Variants in DOCK9 observed in about 807,000 individuals in gnomAD.
The protein encoded by DOCK9 is dedicator of cytokinesis protein 9.
In DOCK9, 89 loss-of-function variants were observed where a neutral mutation model predicts 263.3. The ratio of observed to expected loss-of-function variants is 0.34; its 90% confidence interval spans 0.28 to 0.40. The LOEUF (loss-of-function observed/expected upper bound fraction) is 0.40, where lower values mean the gene tolerates loss of function less well. Among genes scored for constraint, DOCK9 ranks in the 10% least tolerant of loss-of-function variants. The probability of loss-of-function intolerance (pLI) is 1.00; values close to 1 mark genes in which losing one functional copy is unlikely to be tolerated. For missense variants in DOCK9, 2,140 were observed against 2,603.4 expected, an observed-to-expected ratio of 0.82 and a Z score of 3.87; for synonymous variants, 976 against 973.1, an observed-to-expected ratio of 1.00 and a Z score of -0.06.
At chr13:98,996,875 G>T (rs1881169979) in intron 1 of DOCK9, among the ~76,000 whole-genome samples, 1 of 152,168 alleles carries the variant, frequency 6.6e-6, no homozygotes, top group African/African-American at 2.4e-5. Context: ...TCTGCCAATG[G>T]TAAAGCAAAC....
Position 98,923,298 on chromosome 13 carries a change from C to G in DOCK9, c.486+4G>C. 6.2e-7 allele frequency: 1 copy of G among 1,612,590 alleles called. No individual in the cohort carries two copies. The highest frequency in any genetic ancestry group is 1.1e-5 in the South Asian group (1 of 90,988). ...AGAGAAGCAACAGCAAGCAGGTATC[C>G]CACCTCATCTTTGTCGACCTCCTCG... On this transcript the variant is annotated splice_donor_region_variant and intron_variant, in intron 5 of 52. Coordinates refer to ENST00000682017, the MANE Select transcript of DOCK9 (RefSeq NM_001366683.2).
At chr13:98,797,292 G>A in intron 51 of DOCK9, 39 bp from the exon 52 acceptor site, 1 of 1,613,078 alleles carries the variant, frequency 6.2e-7, no homozygotes, top group Non-Finnish European at 8.5e-7. Flanking sequence ...GGCACGCAGA[G>A]GATAAGGCAT....
At chr13:98,914,223 A>T (rs1472152265) in intron 9 of DOCK9, 105 bp downstream of exon 9, 12 of 952,384 alleles carry the variant, frequency 1.3e-5, no homozygotes, top group Admixed American at 1.0e-4. Context: ...GGTAATCACA[A>T]TGTAATTTTT....
Position 98,923,301 on chromosome 13 carries a change from C to T in DOCK9, c.486+1G>A. On this transcript the variant is annotated splice_donor_variant, in intron 5 of 52. Transcript: ENST00000682017. LOFTEE classifies it high-confidence loss of function. ...GAAGCAACAGCAAGCAGGTATCCCA[C>T]CTCATCTTTGTCGACCTCCTCGTCA... is the stretch of plus-strand genomic sequence containing the variant. 6.2e-7 allele frequency: 1 copy of T among 1,613,208 alleles called. No homozygotes were observed. The highest frequency in any genetic ancestry group is 8.5e-7 in the Non-Finnish European group (1 of 1,179,228).
Position 98,845,931 on chromosome 13 carries a change from A to G in DOCK9, c.4191T>C (p.Phe1397=), listed in dbSNP as rs934958904. The G allele has an allele frequency of 6.2e-7, 1 of 1,613,460 alleles. No homozygotes were observed. Among genetic ancestry groups the G allele is most frequent in the African/African-American group, 1.3e-5 (1 of 75,056 alleles). ...QLGSLDNSLT[F]NHSYGHSDAD... ...GCATGTCATGGGACTTACTGTGGTT[A>G]AAAGTGAGAGAGTTATCCAGGCTGC... The change falls in exon 38 of 53, where the codon TTT becomes TTC. Residue 1397 remains phenylalanine (F), a synonymous_variant. Transcript: ENST00000682017.
intron 38 of DOCK9, among the ~76,000 whole-genome samples, chr13:98,842,737 C>T (rs2093266151): frequency 6.6e-6 from 1 of 152,202 alleles, no homozygotes; most frequent in African/African-American, 2.4e-5. Flanking sequence ...TTATTTGACA[C>T]AAATCTCTTC....
chr13:99,058,112 C>T (rs931772366), intron 1 of DOCK9, among the ~76,000 whole-genome samples: 1 of 151,812 alleles, frequency 6.6e-6, no homozygotes, highest in Non-Finnish European at 1.5e-5. Flanking sequence ...TTCAAAAACA[C>T]CCAGGCCTGG....
chr13:99,032,048 C>G (rs531008073), intron 1 of DOCK9, among the ~76,000 whole-genome samples: 2 of 152,254 alleles, frequency 1.3e-5, no homozygotes, highest in East Asian at 3.9e-4. Context: ...TTCAAATTTC[C>G]TGGGGAGAAC....
At chr13:99,000,863 A>G (rs568125851) in intron 1 of DOCK9, among the ~76,000 whole-genome samples, 19 of 152,328 alleles carry the variant, frequency 1.2e-4, no homozygotes, top group Admixed American at 2.6e-4. Flanking sequence ...GGTCATTCAC[A>G]TGCAGAAACT....
chr13:99,073,596 A>C (rs2041786704), intron 1 of DOCK9, among the ~76,000 whole-genome samples: 1 of 152,018 alleles, frequency 6.6e-6, no homozygotes. Flanking sequence ...TTTTCCCTTT[A>C]AGGCTAGGGG....
chr13:98,828,022 C>T (rs566851023), intron 43 of DOCK9, among the ~76,000 whole-genome samples: 61 of 152,090 alleles, frequency 4.0e-4, no homozygotes, highest in Non-Finnish European at 8.2e-4. Context: ...CTAAATTCAA[C>T]ATTACTGGTG....
intron 5 of DOCK9, 28 bp from the exon 6 acceptor site, chr13:98,922,174 CA>C: frequency 6.5e-7 from 1 of 1,528,082 alleles, no homozygotes; most frequent in East Asian, 2.4e-5. Context: ...CACCAGCAGT[CA>C]ACCTCCCGTT....
intron 3 of DOCK9, among the ~76,000 whole-genome samples, chr13:98,927,894 C>T (rs1358485405): frequency 6.6e-6 from 1 of 151,760 alleles, no homozygotes; most frequent in African/African-American, 2.4e-5. Context: ...ACTGGGATTA[C>T]AGGCGTGAGC....
At position 98,868,286 on chromosome 13, in the gene DOCK9, C is replaced by T. The variant is rs777182354; in HGVS notation, c.3035G>A (p.Arg1012Gln). Reference protein sequence around the residue: ...MLMPHITQKFRDNPEASKNAN... With the variant: ...MLMPHITQKFQDNPEASKNAN... The stretch of plus-strand genomic sequence containing the variant: ...GTTCTTAGATGCCTCTGGATTATCT[C>T]GAAACTTCTGAGTGATGTGTGGCAT... The change falls in exon 28 of 53, where the codon CGA (arginine) becomes CAA (glutamine). Residue 1012 changes from arginine (R) to glutamine (Q), a missense_variant. By Grantham distance (43) the Arg-to-Gln change is conservative. Transcript: ENST00000682017. 55 of 1,613,772 alleles carry T rather than the reference C, an allele frequency of 3.4e-5. No homozygotes were observed. The highest frequency in any genetic ancestry group is 3.3e-4 in the Middle Eastern group (2 of 6,084).
chr13:98,804,217 C>T (rs1025456835), intron 49 of DOCK9, among the ~76,000 whole-genome samples: 2 of 152,190 alleles, frequency 1.3e-5, no homozygotes, highest in African/African-American at 2.4e-5. Flanking sequence ...GCATTCTCAA[C>T]GGCCCTCCCA....
chr13:99,063,746 C>T (rs1311934820), intron 1 of DOCK9, among the ~76,000 whole-genome samples: 3 of 151,990 alleles, frequency 2.0e-5, no homozygotes, highest in Admixed American at 1.3e-4. Context: ...ATATAAGCCC[C>T]AAATTTTTGC....
intron 2 of DOCK9, chr13:98,950,297 G>T: frequency 1.3e-6 from 1 of 767,232 alleles, no homozygotes; most frequent in Non-Finnish European, 2.2e-6. Flanking sequence ...AATGATTCCA[G>T]TCGCTTAAAC....
At chr13:98,948,124 C>T (rs1018513686) in intron 2 of DOCK9, among the ~76,000 whole-genome samples, 3 of 152,090 alleles carry the variant, frequency 2.0e-5, no homozygotes, top group Non-Finnish European at 2.9e-5. Context: ...GGCACAGCTT[C>T]CTCTCCATGT....
At chr13:98,943,157 G>A (rs1203675075) in intron 2 of DOCK9, among the ~76,000 whole-genome samples, 1 of 152,224 alleles carries the variant, frequency 6.6e-6, no homozygotes, top group Non-Finnish European at 1.5e-5. Context: ...CAGCTCCTGG[G>A]CTGCCATCCA....
Sources: allele counts gnomAD v4.1 joint callset (sites outside exome capture counted in the v4.1 genomes callset), GRCh38; gene constraint gnomAD v4.1.1; transcripts MANE v1.5; gene names NCBI Gene and HGNC (gene_info 2026-07-23, HGNC 2026-07-21).